Variants in CUL5 observed in about 807,000 individuals in gnomAD.
CUL5 encodes cullin 5.
A neutral mutation model predicts 108.8 loss-of-function variants in CUL5; 26 were observed. That is an observed-to-expected ratio of 0.24 (90% CI 0.18 to 0.33). The LOEUF (loss-of-function observed/expected upper bound fraction) is 0.33, where lower values mean the gene tolerates loss of function less well. Ranked by LOEUF, CUL5 falls within the 10% of genes least tolerant of loss-of-function variation. CUL5 has a pLI of 1.00. For missense variants in CUL5, 524 were observed against 909.2 expected (o/e 0.58, Z 5.45); for synonymous variants, 334 against 298.0 (o/e 1.12, Z -1.25).
chr11:108,028,933 T>C (rs1221523844), intron 1 of CUL5, among the ~76,000 whole-genome samples: 1 of 152,196 alleles, frequency 6.6e-6, no homozygotes, highest in African/African-American at 2.4e-5. Flanking sequence ...GCCTTCAGGG[T>C]CCTACAAGAT....
At chr11:108,018,159 G>A (rs1269455577) in intron 1 of CUL5, among the ~76,000 whole-genome samples, 1 of 152,178 alleles carries the variant, frequency 6.6e-6, no homozygotes, top group Non-Finnish European at 1.5e-5. Context: ...GCCTGAGGTG[G>A]CATTGGAGCT....
rs537941722 is a variant in CUL5 at position 108,015,512 on chromosome 11, G to A, written c.24+6140G>A. Among the ~76,000 whole-genome samples the A allele has an allele frequency of 3.2e-4, 49 of 152,338 alleles. 1 individual carries two copies. In the South Asian group the frequency reaches 9.7e-3, roughly 30 times the overall value. On this transcript the variant is annotated intron_variant, in intron 1 of 18. Transcript: ENST00000393094. ...TTGGGTTGATAGAAATTGCCCTCTT[G>A]AAACGTATATCTAAGAGGGACATGG...
intron 13 of CUL5, among the ~76,000 whole-genome samples, chr11:108,091,055 T>TC (rs1864343973): frequency 6.6e-6 from 1 of 152,064 alleles, no homozygotes; most frequent in Non-Finnish European, 1.5e-5. Context: ...TTTCTTTCTT[T>TC]TTTTCTTTTT....
At chr11:108,036,632 T>C (rs1388813870) in intron 2 of CUL5, among the ~76,000 whole-genome samples, 1 of 152,116 alleles carries the variant, frequency 6.6e-6, no homozygotes, top group South Asian at 2.1e-4. Flanking sequence ...TACCCACCAC[T>C]GTGCCAGGCT....
At chr11:108,043,013 T>C (rs1435337099) in intron 2 of CUL5, among the ~76,000 whole-genome samples, 1 of 152,198 alleles carries the variant, frequency 6.6e-6, no homozygotes, top group Non-Finnish European at 1.5e-5. Context: ...TGTGTCCACC[T>C]CGGCCTCCCA....
chr11:108,103,681 A>G (rs1864724097), intron 18 of CUL5, among the ~76,000 whole-genome samples: 1 of 152,212 alleles, frequency 6.6e-6, no homozygotes, highest in Admixed American at 6.5e-5. Context: ...GATAACTTTT[A>G]AGAATGTGAA....
At position 108,097,722 on chromosome 11, in the gene CUL5, C is replaced by T. The variant is rs1864534798; in HGVS notation, c.1992C>T (p.Thr664=). Residue 664 remains threonine, a synonymous_variant, in exon 17 of 19, where the codon ACC becomes ACT. Coordinates refer to ENST00000393094, the MANE Select transcript of CUL5 (RefSeq NM_003478.6). ...CACCCAAAGACTTTACAGAAGGTAC[C>T]CTCTTCTCAGTGAACCAGGAGTTCA... The part of the protein sequence containing the change: ...VNSPKDFTEG[T]LFSVNQEFSL... The T allele has an allele frequency of 1.2e-6, 2 of 1,609,402 alleles. No homozygotes were observed. Among genetic ancestry groups the T allele is most frequent in the Non-Finnish European group, 1.7e-6 (2 of 1,176,028 alleles).
At chr11:108,072,536 TGAGC>T (rs1378655594) in intron 9 of CUL5, 74 bp downstream of exon 9, 1 of 1,145,572 alleles carries the variant, frequency 8.7e-7, no homozygotes. Context: ...TTGAAAATAG[TGAGC>T]GGTTACCAGA....
intron 10 of CUL5, 99 bp downstream of exon 10, chr11:108,073,596 C>A (rs1251356433): frequency 2.0e-6 from 1 of 499,804 alleles, no homozygotes; most frequent in Non-Finnish European, 3.4e-6. Flanking sequence ...TAATTATAAA[C>A]TTAAAAACCT....
At chr11:108,083,647 C>G (rs764823719) in intron 11 of CUL5, among the ~76,000 whole-genome samples, 2 of 152,168 alleles carry the variant, frequency 1.3e-5, no homozygotes, top group African/African-American at 2.4e-5. Context: ...AAAAATTAGA[C>G]GAGCATGATG....
intron 18 of CUL5, among the ~76,000 whole-genome samples, chr11:108,101,036 G>A (rs1253668635): frequency 1.3e-5 from 2 of 152,122 alleles, no homozygotes; most frequent in Non-Finnish European, 2.9e-5. Context: ...TAAAAAAAAA[G>A]AGTTGAAATG....
chr11:108,032,901 T>C (rs1004292119), intron 1 of CUL5, among the ~76,000 whole-genome samples: 41 of 152,136 alleles, frequency 2.7e-4, no homozygotes, highest in Non-Finnish European at 5.9e-5. Flanking sequence ...ATTTCCAATA[T>C]ACTTTTTGTG....
intron 13 of CUL5, among the ~76,000 whole-genome samples, chr11:108,091,356 T>TA (rs1475441452): frequency 7.5e-6 from 1 of 133,396 alleles, no homozygotes; most frequent in Non-Finnish European, 1.7e-5. Context: ...CGGCCTATGT[T>TA]ATTTCTTTGT....
intron 7 of CUL5, among the ~76,000 whole-genome samples, chr11:108,062,313 A>G (rs1304804257): frequency 6.6e-6 from 1 of 152,110 alleles, no homozygotes; most frequent in Non-Finnish European, 1.5e-5. Context: ...CTGAGGTAAA[A>G]GTCCCTGAAC....
intron 10 of CUL5, among the ~76,000 whole-genome samples, chr11:108,077,630 C>A (rs373002565): frequency 2.0e-4 from 28 of 136,644 alleles, no homozygotes; most frequent in African/African-American, 2.8e-4. Flanking sequence ...ACTCTGTCTC[C>A]AAAAAAAAAA....
intron 1 of CUL5, among the ~76,000 whole-genome samples, chr11:108,017,900 A>G (rs1012574347): frequency 2.0e-5 from 3 of 152,164 alleles, no homozygotes; most frequent in Admixed American, 6.5e-5. Context: ...CTTATTTACA[A>G]CAGAAAATAA....
At chr11:108,026,254 G>T (rs1353120993) in intron 1 of CUL5, among the ~76,000 whole-genome samples, 1 of 152,004 alleles carries the variant, frequency 6.6e-6, no homozygotes, top group Admixed American at 6.6e-5. Context: ...AATGTCACTC[G>T]AGAAAAAGAC....
intron 11 of CUL5, chr11:108,084,980 T>C (rs1864185018): frequency 6.6e-6 from 1 of 152,192 alleles, no homozygotes; most frequent in Admixed American, 6.5e-5. Flanking sequence ...AGTTGTTCCT[T>C]CTCCACTCCC....
At chr11:108,072,252 A>G (rs1863844107) in intron 8 of CUL5, 80 bp from the exon 9 acceptor site, 1 of 1,189,116 alleles carries the variant, frequency 8.4e-7, no homozygotes, top group South Asian at 1.6e-5. Context: ...TACTATTAAC[A>G]TTACAAACTT....
Sources: gnomAD v4.1 joint callset for allele counts (sites outside exome capture counted in the v4.1 genomes callset) on GRCh38, gnomAD v4.1.1 for gene constraint, MANE v1.5 for transcripts, NCBI Gene and HGNC (gene_info 2026-07-23, HGNC 2026-07-21) for gene names.